Variants in CR1L observed in about 807,000 individuals in gnomAD.
The protein encoded by CR1L is complement component receptor 1-like protein.
Under a neutral mutation model 62.3 loss-of-function variants are expected in CR1L, and 59 were observed. The ratio of observed to expected loss-of-function variants is 0.95; its 90% CI spans 0.77 to 1.18. The LOEUF (loss-of-function observed/expected upper bound fraction) is 1.18. Ranked by LOEUF, CR1L falls within the 50% of genes most tolerant of loss-of-function variation. The pLI is 0.00. For synonymous variants in CR1L, 279 were observed against 248.7 expected (o/e 1.12, Z -1.15); for missense variants, 700 against 702.8 (o/e 1.00, Z 0.04).
In CR1L at chr1:207,678,303, T is replaced by A. The variant is rs577140082; in HGVS notation, c.377+6T>A. 6.2e-7 allele frequency: 1 copy of A among 1,609,188 alleles called. No homozygotes were observed. The highest frequency in any genetic ancestry group is 1.3e-5 in the African/African-American group (1 of 74,910). On this transcript the variant is annotated splice_donor_region_variant and intron_variant, in intron 3 of 11. Transcript: ENST00000508064. ...AAATATTCTTGTCCTAAAGGGTGAGTTGGCATCTCTTGAACCAACATCTCT... is the reference window on the plus strand; with the variant it reads ...AAATATTCTTGTCCTAAAGGGTGAGATGGCATCTCTTGAACCAACATCTCT...
intron 1 of CR1L, among the ~76,000 whole-genome samples, chr1:207,674,669 T>G (rs1293695716): frequency 6.6e-6 from 1 of 152,226 alleles, no homozygotes; most frequent in Non-Finnish European, 1.5e-5. Context: ...AGTTCTAACC[T>G]CTCATTGCAA....
At chr1:207,720,996 C>A (rs1185241939) in intron 11 of CR1L, among the ~76,000 whole-genome samples, 1 of 152,102 alleles carries the variant, frequency 6.6e-6, no homozygotes, top group African/African-American at 2.4e-5. Flanking sequence ...CATGCCATTT[C>A]TAAGGTAAAT....
chr1:207,679,348 G>A (rs11118337), intron 3 of CR1L, among the ~76,000 whole-genome samples: 1 of 151,288 alleles, frequency 6.6e-6, no homozygotes, highest in African/African-American at 2.4e-5. Flanking sequence ...TATTGGATTG[G>A]GGCCCACACT....
intron 5 of CR1L, among the ~76,000 whole-genome samples, 174 bp downstream of exon 5, chr1:207,694,925 T>TGAA (rs1664052681): frequency 6.6e-6 from 1 of 152,186 alleles, no homozygotes; most frequent in African/African-American, 2.4e-5. Flanking sequence ...TGTGCTGAAA[T>TGAA]GAAGAAGCAA....
intron 1 of CR1L, among the ~76,000 whole-genome samples, chr1:207,674,929 A>G (rs1380134333): frequency 6.6e-6 from 1 of 151,678 alleles, no homozygotes; most frequent in Non-Finnish European, 1.5e-5. Flanking sequence ...TGAAACTTTT[A>G]AAAAATATAG....
intron 4 of CR1L, among the ~76,000 whole-genome samples, chr1:207,686,333 A>G (rs1663912244): frequency 6.6e-6 from 1 of 151,712 alleles, no homozygotes. Context: ...ACATTTCACC[A>G]TTAACCTGGT....
intron 4 of CR1L, among the ~76,000 whole-genome samples, chr1:207,686,449 G>A (rs1177729685): frequency 3.3e-5 from 5 of 151,640 alleles, no homozygotes; most frequent in Non-Finnish European, 7.4e-5. Flanking sequence ...GAAGTTTATC[G>A]AGCACTTTAG....
chr1:207,714,757 G>A (rs1653951029), intron 10 of CR1L, among the ~76,000 whole-genome samples: 1 of 152,192 alleles, frequency 6.6e-6, no homozygotes, highest in African/African-American at 2.4e-5. Flanking sequence ...GAGCATTTCA[G>A]GGTGGCAAAG....
chr1:207,701,988 T>A (rs1025303179), intron 9 of CR1L, among the ~76,000 whole-genome samples: 1 of 152,200 alleles, frequency 6.6e-6, no homozygotes, highest in African/African-American at 2.4e-5. Flanking sequence ...GCATGATCGC[T>A]TGCTAGGGCT....
At chr1:207,680,274 A>G (rs1663774487) in intron 3 of CR1L, among the ~76,000 whole-genome samples, 1 of 152,248 alleles carries the variant, frequency 6.6e-6, no homozygotes, top group Non-Finnish European at 1.5e-5. Flanking sequence ...AACTTGTGCT[A>G]AAACACAAAG....
At chr1:207,695,393 G>A (rs1167252320) in intron 5 of CR1L, among the ~76,000 whole-genome samples, 4 of 152,314 alleles carry the variant, frequency 2.6e-5, no homozygotes, top group East Asian at 1.9e-4. Flanking sequence ...GCCTCCCAAA[G>A]TGCTGAGATT....
chr1:207,706,835 A>G (rs115256655), intron 9 of CR1L, among the ~76,000 whole-genome samples: 2,498 of 152,322 alleles, frequency 0.016, 29 homozygotes, highest in Non-Finnish European at 0.027. Flanking sequence ...TGAGATAGAA[A>G]AGTGGTAAAA....
At chr1:207,711,860 C>T (rs2102480051) in intron 10 of CR1L, among the ~76,000 whole-genome samples, 1 of 151,302 alleles carries the variant, frequency 6.6e-6, no homozygotes, top group Non-Finnish European at 1.5e-5. Flanking sequence ...GATCACACGA[C>T]TGTGCTCCAG....
intron 1 of CR1L, among the ~76,000 whole-genome samples, chr1:207,649,529 A>G (rs1249010203): frequency 6.6e-6 from 1 of 152,154 alleles, no homozygotes; most frequent in Non-Finnish European, 1.5e-5. Flanking sequence ...GTAGTAGGCA[A>G]TTTCTTGAGG....
chr1:207,651,028 G>A (rs1481912426), intron 1 of CR1L, among the ~76,000 whole-genome samples: 4 of 151,858 alleles, frequency 2.6e-5, no homozygotes, highest in Admixed American at 1.3e-4. Flanking sequence ...CTCGTGATCC[G>A]CCCGCCTCGG....
chr1:207,663,424 G>T (rs1279714844), intron 1 of CR1L, among the ~76,000 whole-genome samples: 1 of 152,354 alleles, frequency 6.6e-6, no homozygotes, highest in East Asian at 1.9e-4. Context: ...AGACTCCGTG[G>T]GCGTAGGACC....
At chr1:207,673,692 C>G (rs1245078616) in intron 1 of CR1L, among the ~76,000 whole-genome samples, 11 of 152,174 alleles carry the variant, frequency 7.2e-5, no homozygotes, top group African/African-American at 2.2e-4. Flanking sequence ...AGTGGAGAAG[C>G]TGGAATTATA....
chr1:207,677,380 G>C lies in CR1L; in HGVS notation c.98-9G>C. ...TTAACTTCGATGCTGCTGTGGTCTTGATCCCCAGATCAATGCAATGTCCCG... is the reference window on the plus strand; with the variant it reads ...TTAACTTCGATGCTGCTGTGGTCTTCATCCCCAGATCAATGCAATGTCCCG... On this transcript the variant is annotated splice_polypyrimidine_tract_variant and intron_variant, in intron 1 of 11. Coordinates refer to ENST00000508064, the MANE Select transcript of CR1L (RefSeq NM_175710.2). 2 of 1,370,250 alleles carry C rather than the reference G, an allele frequency of 1.5e-6. No homozygotes were observed. Among genetic ancestry groups the C allele is most frequent in the Non-Finnish European group, 2.0e-6 (2 of 1,017,274 alleles). 84.9% of individuals were successfully genotyped at this position (1,370,250 alleles called of 1,614,324 possible).
intron 8 of CR1L, among the ~76,000 whole-genome samples, chr1:207,701,243 C>T (rs1393648835): frequency 6.6e-6 from 1 of 152,136 alleles, no homozygotes; most frequent in African/African-American, 2.4e-5. Flanking sequence ...GTAAATAATG[C>T]CATAAATGAC....
Sources: gnomAD v4.1 joint callset for allele counts (sites outside exome capture counted in the v4.1 genomes callset) on GRCh38, gnomAD v4.1.1 for gene constraint, MANE v1.5 for transcripts, NCBI Gene and HGNC (gene_info 2026-07-23, HGNC 2026-07-21) for gene names.